Variants in GPHN observed in about 807,000 individuals in gnomAD.
The protein encoded by GPHN is gephyrin.
In GPHN, 17 loss-of-function variants were observed where a neutral mutation model predicts 95.5. The observed-to-expected ratio is 0.18, with a 90% CI of 0.12 to 0.27. GPHN has a LOEUF of 0.27. Among genes scored for constraint, GPHN ranks in the 10% least tolerant of loss-of-function variants. GPHN has a pLI of 1.00. For missense variants in GPHN, 660 were observed against 978.1 expected (o/e 0.67, Z 4.34); for synonymous variants, 320 against 322.5 (o/e 0.99, Z 0.08).
the GPHN span, chr14:67,364,599 A>G: frequency 3.2e-6 from 2 of 628,114 alleles, no homozygotes; most frequent in Non-Finnish European, 5.2e-6. Context: ...GTTCCTGAAC[A>G]TTATCTGTTT....
At chr14:66,558,687 C>A (rs1458988189) in intron 1 of GPHN, among the ~76,000 whole-genome samples, 1 of 151,826 alleles carries the variant, frequency 6.6e-6, no homozygotes, top group Non-Finnish European at 1.5e-5. Flanking sequence ...TTAGGTAATG[C>A]TATTCTTACT....
At chr14:66,701,944 T>C (rs570861114) in intron 2 of GPHN, among the ~76,000 whole-genome samples, 1 of 152,278 alleles carries the variant, frequency 6.6e-6, no homozygotes, top group Admixed American at 6.5e-5. Flanking sequence ...CAGGCTGTAC[T>C]TCTCCCCTCC....
the GPHN span, among the ~76,000 whole-genome samples, chr14:67,607,137 CTTAA>C: frequency 0.013 from 2,047 of 152,226 alleles, 33 homozygotes; most frequent in African/African-American, 0.039. Flanking sequence ...ATATATAACT[CTTAA>C]TTAAGAATTG....
the GPHN span, among the ~76,000 whole-genome samples, chr14:67,188,169 A>T: frequency 6.6e-6 from 1 of 152,206 alleles, no homozygotes; most frequent in Non-Finnish European, 1.5e-5. Context: ...ATGAGGGACA[A>T]AGAGGGCTAA....
the GPHN span, among the ~76,000 whole-genome samples, chr14:67,626,887 CAT>C: frequency 6.6e-6 from 1 of 152,170 alleles, no homozygotes; most frequent in African/African-American, 2.4e-5. Context: ...ATTATTCAGT[CAT>C]AAATGGAATG....
the GPHN span, chr14:67,620,068 G>T: frequency 2.5e-6 from 4 of 1,609,488 alleles, no homozygotes; most frequent in Non-Finnish European, 1.7e-6. Context: ...TGTGATAGGA[G>T]CCCCGTTCTC....
At chr14:67,133,818 A>G (rs931674540) in intron 17 of GPHN, among the ~76,000 whole-genome samples, 3 of 152,174 alleles carry the variant, frequency 2.0e-5, no homozygotes, top group African/African-American at 7.2e-5. Flanking sequence ...CATGTGATCA[A>G]CTTAGAACTC....
At chr14:67,047,881 A>G (rs1482840034) in intron 10 of GPHN, among the ~76,000 whole-genome samples, 1 of 152,152 alleles carries the variant, frequency 6.6e-6, no homozygotes, top group African/African-American at 2.4e-5. Context: ...GGATCATTTG[A>G]GCCAGCAGGT....
At chr14:67,647,184 T>C in the GPHN span, 2 of 542,802 alleles carry the variant, frequency 3.7e-6, no homozygotes, top group Non-Finnish European at 6.5e-6. Flanking sequence ...CAGGTCATAT[T>C]CTTCCTCTGG....
the GPHN span, chr14:67,571,276 T>C: frequency 4.8e-4 from 77 of 161,476 alleles, no homozygotes; most frequent in Non-Finnish European, 8.1e-4. Context: ...TACTGCCAAA[T>C]TACCTTCTAA....
chr14:66,572,479 C>T (rs2060733790), intron 1 of GPHN, among the ~76,000 whole-genome samples: 1 of 127,244 alleles, frequency 7.9e-6, no homozygotes, highest in South Asian at 2.4e-4. Context: ...TAAATTTATT[C>T]CTCTGTGTGT....
the GPHN span, among the ~76,000 whole-genome samples, chr14:67,311,553 G>A: frequency 1.3e-5 from 2 of 152,100 alleles, no homozygotes; most frequent in African/African-American, 4.8e-5. Context: ...ACTTGCCCAG[G>A]TTAGGTAAAA....
intron 17 of GPHN, among the ~76,000 whole-genome samples, chr14:67,129,799 A>AGAGGGAGG (rs201760439): frequency 7.5e-6 from 1 of 132,496 alleles, no homozygotes; most frequent in African/African-American, 2.6e-5. Flanking sequence ...AGAGAGAGGG[A>AGAGGGAGG]GAGGGAGGGA....
At chr14:66,833,960 T>A (rs766692450) in intron 4 of GPHN, among the ~76,000 whole-genome samples, 4 of 152,166 alleles carry the variant, frequency 2.6e-5, no homozygotes, top group Non-Finnish European at 5.9e-5. Context: ...ACCTTCATGT[T>A]CAAAGCCCTA....
the GPHN span, among the ~76,000 whole-genome samples, chr14:67,582,740 G>A: frequency 6.6e-6 from 1 of 152,188 alleles, no homozygotes; most frequent in Non-Finnish European, 1.5e-5. This position sits in a 1 kb window ranked among gnomAD's most constrained non-coding sequence, Gnocchi z 5.0. Flanking sequence ...GGCAGGCTGA[G>A]GCAGGAGAAT....
At chr14:67,733,763 G>T in the GPHN span, 1 of 1,612,886 alleles carries the variant, frequency 6.2e-7, no homozygotes, top group South Asian at 1.1e-5. Context: ...AAGAGGACCT[G>T]GGTGTCTCCA....
intron 1 of GPHN, among the ~76,000 whole-genome samples, chr14:66,600,951 G>A (rs1287998797): frequency 6.6e-6 from 1 of 151,978 alleles, no homozygotes; most frequent in African/African-American, 2.4e-5. Flanking sequence ...ATTTTATTGA[G>A]TAGACAAATT....
chr14:67,290,952 G>C, the GPHN span, among the ~76,000 whole-genome samples: 1 of 152,118 alleles, frequency 6.6e-6, no homozygotes, highest in Non-Finnish European at 1.5e-5. Context: ...TTAAATAGAA[G>C]TTAAATAAAG....
At chr14:67,610,464 T>C in the GPHN span, among the ~76,000 whole-genome samples, 2 of 152,176 alleles carry the variant, frequency 1.3e-5, no homozygotes, top group Admixed American at 1.3e-4. Context: ...AGAATTGTGG[T>C]AGGGGCTTGA....
Sources: gnomAD v4.1 joint callset for allele counts (sites outside exome capture counted in the v4.1 genomes callset) on GRCh38, gnomAD v4.1.1 for gene constraint, Gnocchi (gnomAD v3.1) non-coding constraint, MANE v1.5 for transcripts, NCBI Gene and HGNC (gene_info 2026-07-23, HGNC 2026-07-21) for gene names.